TAF4B: variants seen among roughly 807,000 people sequenced by gnomAD.
The protein encoded by TAF4B is transcription initiation factor TFIID subunit 4B.
TAF4B carries 38 observed loss-of-function variants against 86.4 expected under a neutral mutation model. The observed-to-expected ratio is 0.44, with a 90% CI of 0.34 to 0.58. The LOEUF (loss-of-function observed/expected upper bound fraction) is 0.58. Ranked by LOEUF, TAF4B falls within the 20% of genes least tolerant of loss-of-function variation. The pLI is 0.02. For missense variants in TAF4B, 988 were observed against 1,027.6 expected, an observed-to-expected ratio of 0.96 and a Z score of 0.53; for synonymous variants, 388 against 391.2, an observed-to-expected ratio of 0.99 and a Z score of 0.10.
chr18:26,368,900 G>T lies in TAF4B; in HGVS notation c.2421+11106G>T, dbSNP rs116121983. ...AAATATGTTAAGTTGCATATTATTG[G>T]CTTATCATTTTTTCACAAGTCCCAC... is the stretch of plus-strand genomic sequence containing the variant. On this transcript the variant is annotated intron_variant, in intron 14 of 14. Transcript: ENST00000269142. Among the ~76,000 whole-genome samples, 434 of 152,066 alleles carry T rather than the reference G, an allele frequency of 2.9e-3. 4 individuals are homozygous for T. Among genetic ancestry groups the T allele is most frequent in the African/African-American group, 9.9e-3 (409 of 41,484 alleles).
chr18:26,374,963 T>C (rs1383374468), intron 14 of TAF4B, among the ~76,000 whole-genome samples: 1 of 152,210 alleles, frequency 6.6e-6, no homozygotes, highest in Non-Finnish European at 1.5e-5. Flanking sequence ...TTGTAAAGTG[T>C]CCAGTCCAGC....
chr18:26,330,651 A>C (rs531082016), intron 12 of TAF4B, among the ~76,000 whole-genome samples: 1 of 152,286 alleles, frequency 6.6e-6, no homozygotes, highest in Admixed American at 6.5e-5. Flanking sequence ...ACAAATGTCC[A>C]TCTGTAACTA....
At chr18:26,348,401 G>T (rs2057217904) in intron 13 of TAF4B, 1 of 152,614 alleles carries the variant, frequency 6.6e-6, no homozygotes. Flanking sequence ...ATGTGACAAG[G>T]TCTCTGGTTA....
intron 9 of TAF4B, among the ~76,000 whole-genome samples, chr18:26,305,934 A>G (rs1046564945): frequency 6.6e-6 from 1 of 152,190 alleles, no homozygotes; most frequent in East Asian, 1.9e-4. Flanking sequence ...TTTTTACGAT[A>G]TAGAAGATTC....
At chr18:26,274,528 A>G (rs2056359124) in intron 3 of TAF4B, 135 bp from the exon 4 acceptor site, 1 of 892,216 alleles carries the variant, frequency 1.1e-6, no homozygotes, top group East Asian at 2.6e-5. Context: ...GAACTGTATT[A>G]TATTGCCTTA....
chr18:26,310,475 C>A (rs558006673), intron 9 of TAF4B, among the ~76,000 whole-genome samples: 1 of 152,178 alleles, frequency 6.6e-6, no homozygotes, highest in African/African-American at 2.4e-5. Flanking sequence ...AACTTTAAAG[C>A]ATAGAAGAAG....
At chr18:26,269,656 T>A (rs904662429) in intron 3 of TAF4B, among the ~76,000 whole-genome samples, 3 of 152,188 alleles carry the variant, frequency 2.0e-5, no homozygotes, top group Non-Finnish European at 2.9e-5. Context: ...ACGTAATATT[T>A]TTCTACTAAT....
chr18:26,369,092 A>G (rs991609674), intron 14 of TAF4B, among the ~76,000 whole-genome samples: 2 of 152,198 alleles, frequency 1.3e-5, no homozygotes, highest in Non-Finnish European at 2.9e-5. Context: ...TGAAATACTA[A>G]TAGTCAGGTG....
At chr18:26,385,898 G>T (rs978828388) in intron 14 of TAF4B, among the ~76,000 whole-genome samples, 1 of 152,110 alleles carries the variant, frequency 6.6e-6, no homozygotes, top group Admixed American at 6.6e-5. Flanking sequence ...CCCCTTGACT[G>T]TGGATAACTG....
At chr18:26,263,711 T>TTCTC (rs10670568) in intron 1 of TAF4B, among the ~76,000 whole-genome samples, 1 of 150,894 alleles carries the variant, frequency 6.6e-6, no homozygotes, top group African/African-American at 2.4e-5. Context: ...CTTTCTCTCT[T>TTCTC]TCTCTCTCTC....
intron 13 of TAF4B, among the ~76,000 whole-genome samples, chr18:26,341,690 A>G (rs2057137996): frequency 6.6e-6 from 1 of 152,010 alleles, no homozygotes; most frequent in Non-Finnish European, 1.5e-5. Context: ...AACCAGCCTT[A>G]GTGGTTGGGA....
At chr18:26,383,755 G>A (rs1555627381) in intron 14 of TAF4B, among the ~76,000 whole-genome samples, 1 of 152,158 alleles carries the variant, frequency 6.6e-6, no homozygotes, top group Non-Finnish European at 1.5e-5. Flanking sequence ...ACATTTAGGA[G>A]TGATGAAATG....
At chr18:26,326,420 C>G (rs1248829433) in intron 11 of TAF4B, among the ~76,000 whole-genome samples, 3 of 152,128 alleles carry the variant, frequency 2.0e-5, no homozygotes, top group East Asian at 1.9e-4. Context: ...AATTCACACC[C>G]CTGAGTAATC....
At chr18:26,249,648 A>C (rs556619651) in intron 1 of TAF4B, among the ~76,000 whole-genome samples, 1 of 152,346 alleles carries the variant, frequency 6.6e-6, no homozygotes, top group Middle Eastern at 3.4e-3. Flanking sequence ...GGATTCTGTG[A>C]TACCACTTTT....
chr18:26,264,630 A>T (rs190151074), intron 1 of TAF4B, among the ~76,000 whole-genome samples: 1 of 152,266 alleles, frequency 6.6e-6, no homozygotes, highest in African/African-American at 2.4e-5. Context: ...AGTAAGACCT[A>T]ATTGCTGTCT....
intron 14 of TAF4B, among the ~76,000 whole-genome samples, chr18:26,362,691 T>C (rs189349322): frequency 2.7e-4 from 41 of 152,324 alleles, no homozygotes; most frequent in Non-Finnish European, 5.6e-4. Flanking sequence ...GATATAAATA[T>C]ATTGAATTGT....
chr18:26,306,537 G>A lies in TAF4B; in HGVS notation c.1833-8692G>A, dbSNP rs1211482680. On this transcript the variant is annotated intron_variant, in intron 9 of 14. Transcript: ENST00000269142. ...ATGTATACCGAGTGTTTAGAACAAT[G>A]CCTGTTTCATAATAGGCATTCAAAT... Among the ~76,000 whole-genome samples, 10 of 152,106 alleles carry A rather than the reference G, an allele frequency of 6.6e-5. No individual in the cohort carries two copies. In the East Asian group the frequency reaches 1.9e-3, roughly 29 times the overall value.
chr18:26,266,647 G>A (rs2056243557), intron 2 of TAF4B: 3 of 151,918 alleles, frequency 2.0e-5, no homozygotes, highest in Non-Finnish European at 4.4e-5. Flanking sequence ...GGATCACGAG[G>A]TCAGGAGATC....
At chr18:26,235,983 G>A (rs2055742148) in intron 1 of TAF4B, among the ~76,000 whole-genome samples, 1 of 152,194 alleles carries the variant, frequency 6.6e-6, no homozygotes, top group Non-Finnish European at 1.5e-5. Flanking sequence ...AATCCTTTAA[G>A]AGCTTCAGGC....
Sources: allele counts gnomAD v4.1 joint callset (sites outside exome capture counted in the v4.1 genomes callset), GRCh38; gene constraint gnomAD v4.1.1; transcripts MANE v1.5; gene names NCBI Gene and HGNC (gene_info 2026-07-23, HGNC 2026-07-21).